CD302: variants seen among roughly 807,000 people sequenced by gnomAD.
CD302 encodes the protein CD302 molecule.
In CD302, 23 loss-of-function variants were observed where a neutral mutation model predicts 26.5. The observed-to-expected ratio is 0.87, with a 90% CI of 0.62 to 1.23. The LOEUF is 1.23. CD302 is among the 50% of genes most tolerant of loss of function. CD302 has a pLI of 0.00. For missense variants in CD302, 290 were observed against 275.5 expected (o/e 1.05, Z -0.37); for synonymous variants, 90 against 99.4 (o/e 0.91, Z 0.56).
intron 2 of CD302, among the ~76,000 whole-genome samples, chr2:159,783,138 C>T (rs1028099738): frequency 6.6e-6 from 1 of 152,098 alleles, no homozygotes; most frequent in Non-Finnish European, 1.5e-5. Flanking sequence ...TTAAATAGAC[C>T]CTGCTTTGGA....
At chr2:159,793,432 A>G (rs915120891) in intron 1 of CD302, among the ~76,000 whole-genome samples, 4 of 151,628 alleles carry the variant, frequency 2.6e-5, no homozygotes, top group African/African-American at 9.7e-5. Context: ...CTTTTTTTTA[A>G]AAAAAGAAAA....
chr2:159,775,276 A>C (rs937139237), intron 5 of CD302, among the ~76,000 whole-genome samples: 13 of 152,250 alleles, frequency 8.5e-5, no homozygotes, highest in Non-Finnish European at 1.3e-4. Context: ...ACACATATTT[A>C]ATACAGATTT....
At chr2:159,788,278 C>T (rs1212286167) in intron 1 of CD302, among the ~76,000 whole-genome samples, 1 of 152,104 alleles carries the variant, frequency 6.6e-6, no homozygotes, top group African/African-American at 2.4e-5. Flanking sequence ...GCAGGGTTCC[C>T]ATGAGGTTAT....
Position 159,780,066 on chromosome 2 carries a change from A to G in CD302, c.408T>C (p.Gly136=). ...DTCAFLHIKT[G]EWKKGNCEVS... is the part of the protein sequence containing the mutation. ...CTTCACAATTTCCTTTTTTCCATTC[A>G]CCTGTCTTGATGTGCAGAAAAGCAC... Residue 136 remains glycine, a synonymous_variant, in exon 4 of 6, where the codon GGT becomes GGC. Transcript: ENST00000259053. 6.2e-7 allele frequency: 1 copy of G among 1,614,102 alleles called. No individual in the cohort carries two copies. The highest frequency in any genetic ancestry group is 8.5e-7 in the Non-Finnish European group (1 of 1,180,012).
chr2:159,792,494 T>A (rs1708835532), intron 1 of CD302, among the ~76,000 whole-genome samples: 1 of 149,200 alleles, frequency 6.7e-6, no homozygotes, highest in Non-Finnish European at 1.5e-5. Flanking sequence ...AGAAGTCACA[T>A]GGATATTTCA....
At position 159,780,984 on chromosome 2, in the gene CD302, T is replaced by C. The variant is rs1167809603; in HGVS notation, c.193A>G (p.Ser65Gly). 1.9e-6 allele frequency: 3 copies of C among 1,607,206 alleles called. No homozygotes were observed. Among genetic ancestry groups the C allele is most frequent in the Non-Finnish European group, 2.5e-6 (3 of 1,178,654 alleles). ...GCATTTTCTTCTTCATTATGTATGC[T>C]TATCATGTCCGCTCCTGAAATTATT... ...QCTDHGADMI[S>G]IHNEEENAFI... Residue 65 changes from serine to glycine, a missense_variant, in exon 3 of 6, where the codon AGC becomes GGC. By Grantham distance (56) the Ser-to-Gly change is moderately conservative (BLOSUM62 0). Coordinates refer to ENST00000259053, the MANE Select transcript of CD302 (RefSeq NM_014880.5).
rs997847368 is a variant in CD302, at chr2:159,769,357, T to C, written c.*2494A>G. On this transcript the variant is annotated 3_prime_UTR_variant, in exon 6 of 6. Transcript: ENST00000259053. The stretch of plus-strand genomic sequence containing the variant: ...GATGTTCTGGTATATAAAGAAAAAA[T>C]GTAGGCCAAGTGTGGTGGCTCACGC... The C allele has an allele frequency of 6.6e-6, 1 of 152,086 alleles. No individual in the cohort carries two copies. Among genetic ancestry groups the C allele is most frequent in the Non-Finnish European group, 1.5e-5 (1 of 68,040 alleles). 9.4% of individuals were successfully genotyped at this position (152,086 alleles called of 1,614,324 possible).
rs1441389027 is a variant in CD302 at position 159,770,802 on chromosome 2, C to A, written c.*1049G>T. On this transcript the variant is annotated 3_prime_UTR_variant, in exon 6 of 6. Transcript: ENST00000259053. ...GTTTGTGTAAATACAAGCTGATTTT[C>A]ACACAAGATTCCCTAACTATGCATT... is the stretch of plus-strand genomic sequence containing the variant. 6.6e-6 allele frequency: 1 copy of A among 152,162 alleles called. No individual in the cohort carries two copies. Among genetic ancestry groups the A allele is most frequent in the African/African-American group, 2.4e-5 (1 of 41,438 alleles). 9.4% of individuals were successfully genotyped at this position (152,162 alleles called of 1,614,324 possible). A position where few individuals can be genotyped will look rare whatever the true frequency, so the allele number is the denominator to read the frequency against.
In CD302 at chr2:159,771,522, CTAAA is replaced by C. The variant is rs979787658; in HGVS notation, c.*325_*328del. The C allele has an allele frequency of 4.5e-5, 9 of 199,356 alleles. No individual in the cohort carries two copies. Among genetic ancestry groups the C allele is most frequent in the African/African-American group, 2.1e-4 (9 of 42,670 alleles). The allele number at this position is 199,356 out of a possible 1,614,324, so 12.3% of individuals were successfully genotyped here. The stretch of plus-strand genomic sequence containing the variant: ...AAACATATAAACTAAAGTGGGTCAA[CTAAA>C]TAGGGAAGATACAGCAGGCAAGACA... On this transcript the variant is annotated 3_prime_UTR_variant, in exon 6 of 6. Coordinates refer to ENST00000259053, the MANE Select transcript of CD302 (RefSeq NM_014880.5).
intron 5 of CD302, among the ~76,000 whole-genome samples, chr2:159,773,488 G>A (rs538454558): frequency 6.6e-6 from 1 of 152,314 alleles, no homozygotes; most frequent in East Asian, 1.9e-4. Context: ...AAGTCTGAAA[G>A]ATCATAGTAA....
At chr2:159,780,258 GAA>G in intron 3 of CD302, 80 bp from the exon 4 acceptor site, 1 of 1,483,672 alleles carries the variant, frequency 6.7e-7, no homozygotes, top group East Asian at 2.3e-5. Context: ...ATTAAAGGTG[GAA>G]AGTTACTAAG....
chr2:159,783,617 C>T (rs945762643), intron 1 of CD302, 148 bp from the exon 2 acceptor site: 2 of 556,746 alleles, frequency 3.6e-6, no homozygotes, highest in African/African-American at 3.9e-5. Context: ...AGAAATCAAC[C>T]AGTGTAACAG....
chr2:159,790,033 A>T (rs1437953380), intron 1 of CD302, among the ~76,000 whole-genome samples: 1 of 152,168 alleles, frequency 6.6e-6, no homozygotes, highest in Non-Finnish European at 1.5e-5. Flanking sequence ...CAGATGCAAA[A>T]TTCCATCTTT....
intron 5 of CD302, among the ~76,000 whole-genome samples, chr2:159,777,317 CAAG>C (rs922605193): frequency 2.6e-5 from 4 of 152,168 alleles, no homozygotes; most frequent in African/African-American, 7.2e-5. Flanking sequence ...ATTAAAGCCA[CAAG>C]AAGATCACTA....
intron 1 of CD302, 31 bp downstream of exon 1, chr2:159,798,101 G>A: frequency 2.7e-6 from 4 of 1,492,888 alleles, no homozygotes; most frequent in Non-Finnish European, 3.6e-6. Context: ...GGTCGCGCAC[G>A]GTCCCGGCGA....
At chr2:159,775,352 C>T (rs1242180505) in intron 5 of CD302, among the ~76,000 whole-genome samples, 1 of 152,202 alleles carries the variant, frequency 6.6e-6, no homozygotes, top group Non-Finnish European at 1.5e-5. Context: ...AGTCTGAAGA[C>T]CATATGTTGC....
intron 5 of CD302, among the ~76,000 whole-genome samples, chr2:159,776,049 C>T (rs1200414680): frequency 7.7e-5 from 6 of 77,534 alleles, no homozygotes; most frequent in Admixed American, 4.1e-4. Flanking sequence ...GTCGGGATTT[C>T]GCCATGTTGG....
At chr2:159,775,878 C>A (rs982562996) in intron 5 of CD302, among the ~76,000 whole-genome samples, 1 of 141,786 alleles carries the variant, frequency 7.1e-6, no homozygotes, top group Non-Finnish European at 1.5e-5. Flanking sequence ...CCTTTTATGA[C>A]TGGCTTATTT....
intron 1 of CD302, among the ~76,000 whole-genome samples, chr2:159,786,569 G>T (rs1708671783): frequency 6.6e-6 from 1 of 151,978 alleles, no homozygotes; most frequent in African/African-American, 2.4e-5. Flanking sequence ...CCTGACCTCT[G>T]GTGATTGGGC....
Sources: allele counts gnomAD v4.1 joint callset (sites outside exome capture counted in the v4.1 genomes callset), GRCh38; gene constraint gnomAD v4.1.1; transcripts MANE v1.5; gene names NCBI Gene and HGNC (gene_info 2026-07-23, HGNC 2026-07-21).